Variants in SSBP2 observed in about 807,000 individuals in gnomAD.
SSBP2 encodes the protein single stranded DNA binding protein 2, also known as single-stranded DNA-binding protein 2.
In SSBP2, 17 loss-of-function variants were observed where a neutral mutation model predicts 61.8. That is an observed-to-expected ratio of 0.28 (90% CI 0.19 to 0.41). The LOEUF (loss-of-function observed/expected upper bound fraction) is 0.41. Ranked by LOEUF, SSBP2 falls within the 10% of genes least tolerant of loss-of-function variation. The pLI is 1.00. For synonymous variants in SSBP2, 139 were observed against 141.3 expected (o/e 0.98, Z 0.12); for missense variants, 310 against 458.7 (o/e 0.68, Z 2.96).
chr5:81,466,825 A>T, intron 9 of SSBP2, 149 bp downstream of exon 9: 1 of 455,958 alleles, frequency 2.2e-6, no homozygotes, highest in Non-Finnish European at 3.9e-6. Context: ...TACCACACAG[A>T]GACTGTGGTG....
At chr5:81,462,561 A>G (rs1764613974) in intron 9 of SSBP2, among the ~76,000 whole-genome samples, 2 of 152,122 alleles carry the variant, frequency 1.3e-5, no homozygotes, top group African/African-American at 4.8e-5. Flanking sequence ...ATTTGTATTG[A>G]TTGTCTTTGG....
intron 1 of SSBP2, among the ~76,000 whole-genome samples, chr5:81,718,232 G>C (rs532577335): frequency 6.6e-6 from 1 of 152,306 alleles, no homozygotes; most frequent in African/African-American, 2.4e-5. Flanking sequence ...GAGGATGGAA[G>C]AGGAAACTAT....
intron 4 of SSBP2, among the ~76,000 whole-genome samples, chr5:81,543,869 A>G (rs1205386887): frequency 6.6e-6 from 1 of 152,200 alleles, no homozygotes; most frequent in Admixed American, 6.5e-5. Flanking sequence ...TCTGCTAAGT[A>G]TATCTAGAGT....
At chr5:81,603,138 GT>G (rs1744539561) in intron 4 of SSBP2, among the ~76,000 whole-genome samples, 1 of 152,184 alleles carries the variant, frequency 6.6e-6, no homozygotes, top group East Asian at 1.9e-4. Context: ...GGGTTCTCCA[GT>G]TTAGGACTCT....
At chr5:81,565,983 A>G (rs959438894) in intron 4 of SSBP2, among the ~76,000 whole-genome samples, 4 of 152,294 alleles carry the variant, frequency 2.6e-5, no homozygotes, top group African/African-American at 9.6e-5. Context: ...TTCATCAATC[A>G]CTTAGTAGAA....
chr5:81,471,752 T>C (rs1368241362), intron 8 of SSBP2, among the ~76,000 whole-genome samples: 1 of 151,978 alleles, frequency 6.6e-6, no homozygotes, highest in East Asian at 1.9e-4. Flanking sequence ...ACTGGTTTCT[T>C]TTGGCTTTGA....
At chr5:81,728,271 C>A (rs1369533990) in intron 1 of SSBP2, among the ~76,000 whole-genome samples, 1 of 152,250 alleles carries the variant, frequency 6.6e-6, no homozygotes, top group Non-Finnish European at 1.5e-5. Flanking sequence ...TCTGACTTAG[C>A]ACTTCCATTT....
chr5:81,708,270 C>T (rs1022083506), intron 1 of SSBP2, among the ~76,000 whole-genome samples: 1 of 152,110 alleles, frequency 6.6e-6, no homozygotes, highest in Non-Finnish European at 1.5e-5. Flanking sequence ...AATAGAGTCA[C>T]ATAAGCTATG....
At chr5:81,616,660 A>G (rs2153610628) in intron 3 of SSBP2, 2 of 140,646 alleles carry the variant, frequency 1.4e-5, no homozygotes, top group South Asian at 4.9e-4. Context: ...GGCACAGACA[A>G]ACAAAAAGAC....
At chr5:81,622,950 CAAT>C (rs1353046554) in intron 3 of SSBP2, among the ~76,000 whole-genome samples, 1 of 152,034 alleles carries the variant, frequency 6.6e-6, no homozygotes, top group Non-Finnish European at 1.5e-5. Flanking sequence ...ACAGAGAAAA[CAAT>C]AAAAACAAAA....
chr5:81,608,283 A>G (rs1457903290), intron 4 of SSBP2, among the ~76,000 whole-genome samples: 1 of 151,870 alleles, frequency 6.6e-6, no homozygotes, highest in Non-Finnish European at 1.5e-5. Flanking sequence ...TTTCTTCTTC[A>G]TTCTCATTCA....
chr5:81,643,359 T>G (rs1442830142), intron 2 of SSBP2, among the ~76,000 whole-genome samples: 1 of 152,086 alleles, frequency 6.6e-6, no homozygotes, highest in Non-Finnish European at 1.5e-5. Context: ...TAAACCAATA[T>G]CCAAAGAATA....
chr5:81,687,867 G>A (rs1382320357), intron 1 of SSBP2, among the ~76,000 whole-genome samples: 2 of 152,134 alleles, frequency 1.3e-5, no homozygotes, highest in African/African-American at 2.4e-5. Context: ...GGCAGTACTT[G>A]CTATGGGTCT....
At chr5:81,581,772 A>C (rs1186014349) in intron 4 of SSBP2, among the ~76,000 whole-genome samples, 1 of 152,190 alleles carries the variant, frequency 6.6e-6, no homozygotes, top group Non-Finnish European at 1.5e-5. Flanking sequence ...GTCTCAATTT[A>C]AGCAAGGATA....
Position 81,536,941 on chromosome 5 carries a change from T to C in SSBP2, c.283-23224A>G, listed in dbSNP as rs944477649. Among the ~76,000 whole-genome samples, 10 of 151,618 alleles carry C rather than the reference T, an allele frequency of 6.6e-5. 1 individual carries two copies. Among genetic ancestry groups the C allele is most frequent in the South Asian group, 4.2e-4 (2 of 4,794 alleles). On this transcript the variant is annotated intron_variant, in intron 4 of 16. Coordinates refer to ENST00000320672, the MANE Select transcript of SSBP2 (RefSeq NM_012446.5). ...ATTGCTTGAACCCAGGAGGCGGAGGTTGCAGTGAACTGAGATCACAACACT... is the reference window on the plus strand; with the variant it reads ...ATTGCTTGAACCCAGGAGGCGGAGGCTGCAGTGAACTGAGATCACAACACT...
chr5:81,599,095 T>C (rs889562131), intron 4 of SSBP2, among the ~76,000 whole-genome samples: 2 of 152,138 alleles, frequency 1.3e-5, no homozygotes, highest in Non-Finnish European at 2.9e-5. Context: ...CACAGCAGAA[T>C]TGGCATTTGG....
chr5:81,637,851 C>T (rs959860125), intron 2 of SSBP2, among the ~76,000 whole-genome samples: 7 of 152,264 alleles, frequency 4.6e-5, no homozygotes, highest in African/African-American at 1.4e-4. Flanking sequence ...TTGGAACCAA[C>T]CCGAATGTCC....
At chr5:81,630,104 G>C (rs1315887620) in intron 3 of SSBP2, among the ~76,000 whole-genome samples, 1 of 152,122 alleles carries the variant, frequency 6.6e-6, no homozygotes, top group Non-Finnish European at 1.5e-5. Context: ...ATTAACAACT[G>C]GTCCATCCAG....
intron 1 of SSBP2, among the ~76,000 whole-genome samples, chr5:81,659,236 G>A (rs971539825): frequency 2.0e-5 from 3 of 152,122 alleles, no homozygotes; most frequent in Admixed American, 6.5e-5. Flanking sequence ...GTCTCTGTTC[G>A]TAGATGACAT....
Sources: gnomAD v4.1 joint callset for allele counts (sites outside exome capture counted in the v4.1 genomes callset) on GRCh38, gnomAD v4.1.1 for gene constraint, MANE v1.5 for transcripts, NCBI Gene and HGNC (gene_info 2026-07-23, HGNC 2026-07-21) for gene names.